The following UBE2E2 variants were observed in gnomAD, a reference collection of about 807,000 sequenced individuals.
UBE2E2 encodes ubiquitin conjugating enzyme E2 E2, also known as ubiquitin-conjugating enzyme E2 E2.
UBE2E2 carries 6 observed loss-of-function variants against 24.7 expected under a neutral mutation model. The observed-to-expected ratio is 0.24, with a 90% CI of 0.13 to 0.48. The LOEUF (loss-of-function observed/expected upper bound fraction) is 0.48. Among genes scored for constraint, UBE2E2 ranks in the 20% least tolerant of loss-of-function variants. The pLI, the probability that UBE2E2 is intolerant of heterozygous loss-of-function variation, is 0.99. For missense variants in UBE2E2, 169 were observed against 245.0 expected (o/e 0.69, Z 2.07); for synonymous variants, 104 against 83.6 (o/e 1.24, Z -1.33).
intron 4 of UBE2E2, among the ~76,000 whole-genome samples, chr3:23,500,515 T>C (rs1456134100): frequency 6.6e-6 from 1 of 152,182 alleles, no homozygotes; most frequent in Non-Finnish European, 1.5e-5. Flanking sequence ...TTCTCCACTA[T>C]AGCAAAGGAA....
intron 3 of UBE2E2, among the ~76,000 whole-genome samples, chr3:23,420,772 G>C (rs1697776541): frequency 6.6e-6 from 1 of 152,104 alleles, no homozygotes; most frequent in Admixed American, 6.5e-5. Context: ...CCTCTTTCAG[G>C]AAGCCTTTAC....
intron 3 of UBE2E2, among the ~76,000 whole-genome samples, chr3:23,471,165 C>A (rs1341735759): frequency 6.6e-6 from 1 of 152,178 alleles, no homozygotes; most frequent in Non-Finnish European, 1.5e-5. Context: ...ATTAGAAGGA[C>A]AGCCCCAGTT....
chr3:23,460,464 G>A (rs369101705), intron 3 of UBE2E2, among the ~76,000 whole-genome samples: 96 of 152,196 alleles, frequency 6.3e-4, no homozygotes, highest in Middle Eastern at 3.4e-3. Context: ...GGTTACATGC[G>A]AGGCTCTTAG....
chr3:23,495,850 A>G (rs1319539350), intron 3 of UBE2E2, among the ~76,000 whole-genome samples: 36 of 152,184 alleles, frequency 2.4e-4, no homozygotes, highest in Admixed American at 2.3e-3. Flanking sequence ...CCCTTACACC[A>G]CTGCTTCTCA....
At chr3:23,563,551 G>T (rs1695987939) in intron 5 of UBE2E2, among the ~76,000 whole-genome samples, 1 of 152,126 alleles carries the variant, frequency 6.6e-6, no homozygotes, top group African/African-American at 2.4e-5. Context: ...CTGTTGATTT[G>T]GGGTGGAGAG....
intron 3 of UBE2E2, among the ~76,000 whole-genome samples, chr3:23,328,931 G>T (rs532840342): frequency 1.3e-5 from 2 of 152,200 alleles, no homozygotes; most frequent in South Asian, 4.1e-4. Flanking sequence ...CAAATTGCTG[G>T]GATTACAGGC....
At position 23,271,489 on chromosome 3, in the gene UBE2E2, G is replaced by A. The variant is rs186007045; in HGVS notation, c.227+54177G>A. On this transcript the variant is annotated intron_variant, in intron 3 of 5. Transcript: ENST00000396703. ...CCGAGTGGGTTGCTGCCGCTGGCTCGGGCAGCCTGCTTTTATTCCCTTATC... is the reference window on the plus strand; with the variant it reads ...CCGAGTGGGTTGCTGCCGCTGGCTCAGGCAGCCTGCTTTTATTCCCTTATC... 5.4e-3 allele frequency among the ~76,000 whole-genome samples: 826 copies of A among 152,252 alleles called. 11 individuals carry two copies. Among genetic ancestry groups the A allele is most frequent in the African/African-American group, 0.018 (768 of 41,546 alleles).
chr3:23,284,637 G>A (rs1427021453), intron 3 of UBE2E2, among the ~76,000 whole-genome samples: 2 of 151,702 alleles, frequency 1.3e-5, no homozygotes, highest in Admixed American at 6.6e-5. Flanking sequence ...GTTTAATGGG[G>A]GAGTATTTGT....
chr3:23,351,626 A>G (rs1190109112), intron 3 of UBE2E2, among the ~76,000 whole-genome samples: 1 of 152,174 alleles, frequency 6.6e-6, no homozygotes, highest in Non-Finnish European at 1.5e-5. Flanking sequence ...AAAGATCAAA[A>G]GAGACAAAGA....
intron 3 of UBE2E2, among the ~76,000 whole-genome samples, chr3:23,493,277 C>T (rs1278582994): frequency 1.3e-5 from 2 of 152,132 alleles, no homozygotes; most frequent in Non-Finnish European, 2.9e-5. Context: ...CTTTAAGATG[C>T]TAAGTAAAGA....
chr3:23,339,629 G>C (rs1271961085), intron 3 of UBE2E2, among the ~76,000 whole-genome samples: 4 of 151,960 alleles, frequency 2.6e-5, no homozygotes, highest in Non-Finnish European at 4.4e-5. Context: ...AGATGATATG[G>C]TGGGGTTGGT....
intron 5 of UBE2E2, among the ~76,000 whole-genome samples, chr3:23,572,013 C>G (rs570962820): frequency 8.9e-4 from 136 of 152,282 alleles, no homozygotes; most frequent in African/African-American, 3.1e-3. Context: ...ATATTAATGT[C>G]TCCTTGGAAT....
At chr3:23,312,321 A>G (rs1194554222) in intron 3 of UBE2E2, among the ~76,000 whole-genome samples, 3 of 152,336 alleles carry the variant, frequency 2.0e-5, no homozygotes, top group Non-Finnish European at 2.9e-5. Flanking sequence ...TGATGCAGGT[A>G]TACAATGCAT....
chr3:23,221,658 C>T (rs765532725), intron 3 of UBE2E2, among the ~76,000 whole-genome samples: 13 of 150,988 alleles, frequency 8.6e-5, no homozygotes, highest in Admixed American at 4.6e-4. Flanking sequence ...TTTTCTGAGA[C>T]GGAGTTTCGC....
At chr3:23,245,246 A>T (rs1344527992) in intron 3 of UBE2E2, among the ~76,000 whole-genome samples, 6 of 152,154 alleles carry the variant, frequency 3.9e-5, no homozygotes, top group African/African-American at 1.4e-4. Context: ...TATATAATTG[A>T]TAAGTTTTAC....
chr3:23,305,957 C>G (rs1036230503), intron 3 of UBE2E2, among the ~76,000 whole-genome samples: 64 of 152,088 alleles, frequency 4.2e-4, no homozygotes, highest in African/African-American at 1.5e-3. Flanking sequence ...TATTATGAAA[C>G]TTTGCTCATT....
intron 3 of UBE2E2, among the ~76,000 whole-genome samples, chr3:23,253,572 A>C (rs1355321810): frequency 6.6e-6 from 1 of 152,252 alleles, no homozygotes; most frequent in Non-Finnish European, 1.5e-5. Flanking sequence ...CAGTAGCAAC[A>C]AAAATGTTAG....
chr3:23,261,967 T>G (rs1697913092), intron 3 of UBE2E2, among the ~76,000 whole-genome samples: 1 of 152,226 alleles, frequency 6.6e-6, no homozygotes, highest in Non-Finnish European at 1.5e-5. Context: ...ATATTCTGAT[T>G]TCCATTCCTT....
chr3:23,386,048 C>G (rs1559368867), intron 3 of UBE2E2, among the ~76,000 whole-genome samples: 1 of 152,128 alleles, frequency 6.6e-6, no homozygotes, highest in Non-Finnish European at 1.5e-5. Flanking sequence ...TAGTGTGGAT[C>G]ATGTCTGAAT....
Sources: gnomAD v4.1 joint callset for allele counts (sites outside exome capture counted in the v4.1 genomes callset) on GRCh38, gnomAD v4.1.1 for gene constraint, MANE v1.5 for transcripts, NCBI Gene and HGNC (gene_info 2026-07-23, HGNC 2026-07-21) for gene names.